Variants in ROBO2 observed in about 807,000 individuals in gnomAD.
ROBO2 encodes the protein roundabout guidance receptor 2.
A neutral mutation model predicts 160.8 loss-of-function variants in ROBO2; 53 were observed. The observed-to-expected ratio is 0.33, with a 90% CI of 0.26 to 0.41. ROBO2 has a LOEUF of 0.41. Among genes scored for constraint, ROBO2 ranks in the 10% least tolerant of loss-of-function variants. The probability of loss-of-function intolerance (pLI) is 1.00; values close to 1 mark genes in which losing one functional copy is unlikely to be tolerated. For missense variants in ROBO2, 1,577 were observed against 1,722.4 expected (o/e 0.92, Z 1.49); for synonymous variants, 664 against 611.7 (o/e 1.09, Z -1.26).
Position 77,068,940 on chromosome 3 carries a change from C to T in ROBO2, c.61+28094C>T, listed in dbSNP as rs562952764. Among the ~76,000 whole-genome samples the T allele has an allele frequency of 1.2e-4, 19 of 152,160 alleles. No homozygotes were observed. The East Asian group carries it at 3.7e-3, about 29-fold the overall frequency. On this transcript the variant is annotated intron_variant, in intron 1 of 25. Transcript: ENST00000461745. ...ATAAATCAGGAGTAGAATGCTATTT[C>T]GTGACTCATAAAATTTTTATTCGGT...
intron 2 of ROBO2, among the ~76,000 whole-genome samples, chr3:76,201,270 A>G (rs936538429): frequency 6.6e-6 from 1 of 152,184 alleles, no homozygotes; most frequent in African/African-American, 2.4e-5. Flanking sequence ...ACTTAATCTT[A>G]TGCGAGTGGA....
chr3:76,511,855 G>T (rs2081106864), intron 2 of ROBO2, among the ~76,000 whole-genome samples: 2 of 152,108 alleles, frequency 1.3e-5, no homozygotes, highest in African/African-American at 4.8e-5. Context: ...GGAAGAAGTG[G>T]GTATCACAGG....
intron 2 of ROBO2, among the ~76,000 whole-genome samples, chr3:76,567,330 T>C (rs1263768139): frequency 6.6e-6 from 1 of 152,114 alleles, no homozygotes; most frequent in Admixed American, 6.6e-5. Context: ...ATCATATTCA[T>C]ACATTTCATA....
At chr3:75,983,853 GA>G (rs1189345737) in intron 2 of ROBO2, among the ~76,000 whole-genome samples, 1 of 151,412 alleles carries the variant, frequency 6.6e-6, no homozygotes, top group Non-Finnish European at 1.5e-5. Context: ...CAAAAGTCTG[GA>G]AAACACAGAC....
intron 2 of ROBO2, among the ~76,000 whole-genome samples, chr3:77,265,085 T>G (rs540163277): frequency 9.2e-5 from 14 of 152,258 alleles, no homozygotes; most frequent in African/African-American, 3.4e-4. Flanking sequence ...CTGTTGCAAC[T>G]CAGAAACCAA....
At chr3:77,518,137 A>C (rs1377008356) in intron 5 of ROBO2, among the ~76,000 whole-genome samples, 1 of 151,506 alleles carries the variant, frequency 6.6e-6, no homozygotes, top group Non-Finnish European at 1.5e-5. Context: ...AAAAGTTATC[A>C]TATGTTATCA....
At chr3:77,474,083 A>C (rs969318473) in intron 2 of ROBO2, among the ~76,000 whole-genome samples, 9 of 152,200 alleles carry the variant, frequency 5.9e-5, no homozygotes, top group African/African-American at 2.2e-4. Context: ...ATGATATCGC[A>C]GAAAGGAAGA....
At chr3:76,277,524 G>A (rs951207190) in intron 2 of ROBO2, among the ~76,000 whole-genome samples, 2 of 151,896 alleles carry the variant, frequency 1.3e-5, no homozygotes, top group Non-Finnish European at 2.9e-5. Flanking sequence ...GGGATGCTCA[G>A]CTTTTGGTAT....
chr3:76,041,358 T>C (rs1346548871), intron 2 of ROBO2, among the ~76,000 whole-genome samples: 2 of 152,010 alleles, frequency 1.3e-5, no homozygotes, highest in Non-Finnish European at 2.9e-5. Context: ...AAAACTTATG[T>C]AGAACTTTTG....
intron 2 of ROBO2, among the ~76,000 whole-genome samples, chr3:77,365,223 G>GT (rs530264211): frequency 8.8e-4 from 134 of 151,794 alleles, no homozygotes; most frequent in African/African-American, 3.0e-3. Context: ...AGGTTCTACT[G>GT]TTTTTTGTTT....
intron 2 of ROBO2, among the ~76,000 whole-genome samples, chr3:76,114,047 T>G (rs2070357573): frequency 6.6e-6 from 1 of 152,190 alleles, no homozygotes; most frequent in Non-Finnish European, 1.5e-5. Flanking sequence ...TGGTACAACC[T>G]GAAGAACCAT....
chr3:76,491,999 CCAGCTA>C (rs2079851894), intron 2 of ROBO2, among the ~76,000 whole-genome samples: 2 of 152,070 alleles, frequency 1.3e-5, no homozygotes, highest in South Asian at 4.1e-4. Context: ...GCCTGTAGTC[CCAGCTA>C]CTGGGGAGGC....
chr3:77,536,787 C>G (rs528427078), intron 6 of ROBO2, among the ~76,000 whole-genome samples: 1 of 152,196 alleles, frequency 6.6e-6, no homozygotes. Context: ...TACTGTGGTA[C>G]GTTCCAGTAA....
chr3:77,223,610 A>G (rs1288929512), intron 2 of ROBO2, among the ~76,000 whole-genome samples: 2 of 152,070 alleles, frequency 1.3e-5, no homozygotes, highest in African/African-American at 4.8e-5. Context: ...TGAAATTTGG[A>G]TATTATACTT....
chr3:77,563,211 C>A lies in ROBO2; in HGVS notation c.1564C>A (p.Pro522Thr), dbSNP rs750974106. Residue 522 changes from proline (P) to threonine (T), a missense_variant, in exon 11 of 26, where the codon CCA (proline) becomes ACA (threonine). By Grantham distance (38) the Pro-to-Thr change is conservative (BLOSUM62 -1). Transcript: ENST00000461745. ...TAAAAACTATGATTTAAGTGACCTG[C>A]CAGGGCCACCATCCAAACCGCAGGT... 22 of 1,613,344 alleles carry A rather than the reference C, an allele frequency of 1.4e-5. No homozygotes were observed. The highest frequency in any genetic ancestry group is 1.9e-5 in the Non-Finnish European group (22 of 1,179,760).
intron 2 of ROBO2, among the ~76,000 whole-genome samples, chr3:76,349,629 G>A (rs2074748785): frequency 1.3e-5 from 2 of 152,022 alleles, no homozygotes; most frequent in Non-Finnish European, 2.9e-5. Flanking sequence ...AACTGGAAAG[G>A]GTCTGAGATT....
chr3:77,290,963 T>A (rs1264018844), intron 2 of ROBO2, among the ~76,000 whole-genome samples: 1 of 60,412 alleles, frequency 1.7e-5, no homozygotes, highest in African/African-American at 3.8e-5. Flanking sequence ...GCTAGAGCAC[T>A]AAAGACATAA....
At chr3:77,408,101 A>AC (rs35010761) in intron 2 of ROBO2, among the ~76,000 whole-genome samples, 32,755 of 151,820 alleles carry the variant, frequency 0.22, 3,630 homozygotes, top group South Asian at 0.27. Flanking sequence ...AAAAACAAAA[A>AC]AAAAAATAAA....
intron 2 of ROBO2, among the ~76,000 whole-genome samples, chr3:76,851,755 AAAAAAAAAAAT>A (rs2069402521): frequency 6.9e-6 from 1 of 145,506 alleles, no homozygotes; most frequent in Non-Finnish European, 1.5e-5. Flanking sequence ...AAAAAAAAAA[AAAAAAAAAAAT>A]ATTAACATGT....
Sources: allele counts gnomAD v4.1 joint callset (sites outside exome capture counted in the v4.1 genomes callset), GRCh38; gene constraint gnomAD v4.1.1; transcripts MANE v1.5; gene names NCBI Gene and HGNC (gene_info 2026-07-23, HGNC 2026-07-21).